The following BDH1 variants were observed in gnomAD, a reference collection of about 807,000 sequenced individuals.
BDH1 encodes D-beta-hydroxybutyrate dehydrogenase, mitochondrial.
Under a neutral mutation model 33.1 loss-of-function variants are expected in BDH1, and 30 were observed. The observed-to-expected ratio is 0.91, with a 90% CI of 0.68 to 1.23. BDH1 has a LOEUF of 1.23. Ranked by LOEUF, BDH1 falls within the 50% of genes most tolerant of loss-of-function variation. The pLI is 0.00. For synonymous variants in BDH1, 190 were observed against 183.6 expected (o/e 1.03, Z -0.28); for missense variants, 443 against 464.4 (o/e 0.95, Z 0.42).
chr3:197,527,789 T>C (rs975914682), intron 5 of BDH1, among the ~76,000 whole-genome samples: 1 of 149,166 alleles, frequency 6.7e-6, no homozygotes, highest in African/African-American at 2.5e-5. Context: ...CACTCCCTCC[T>C]GCACCTCCTT....
At position 197,525,378 on chromosome 3, in the gene BDH1, T is replaced by G. The variant is rs139455293; in HGVS notation, c.268-2597A>C. On this transcript the variant is annotated intron_variant, in intron 5 of 7. Transcript: ENST00000392379. This position sits in a 1 kb window ranked among gnomAD's most constrained non-coding sequence, Gnocchi z 4.9. ...TGGGACTTGGTTAACCCTGTTGCTA[T>G]CATTCAGCTCTTCTCAGACCCCTAT... Among the ~76,000 whole-genome samples, 336 of 152,296 alleles carry G rather than the reference T, an allele frequency of 2.2e-3. 1 individual carries two copies. Among genetic ancestry groups the G allele is most frequent in the Non-Finnish European group, 3.8e-3 (256 of 68,030 alleles).
intron 1 of BDH1, among the ~76,000 whole-genome samples, chr3:197,572,340 A>C (rs1717635715): frequency 6.6e-6 from 1 of 152,224 alleles, no homozygotes; most frequent in African/African-American, 2.4e-5. Context: ...TTCAGGACTC[A>C]GATCTTAGTT....
chr3:197,550,611 C>A (rs921153871), intron 2 of BDH1, among the ~76,000 whole-genome samples: 2 of 152,304 alleles, frequency 1.3e-5, no homozygotes, highest in East Asian at 3.9e-4. Context: ...TGCTCTGTGG[C>A]GCAGGGCCAT....
Position 197,525,678 on chromosome 3 carries a change from A to G in BDH1, c.268-2897T>C, listed in dbSNP as rs528218475. ...CACCCTGCTCCTGACAACCACGCCA[A>G]TAGGGACAGAAACTACCAATTTGCC... On this transcript the variant is annotated intron_variant, in intron 5 of 7. Transcript: ENST00000392379. This position sits in a 1 kb window ranked among gnomAD's most constrained non-coding sequence, Gnocchi z 4.9. 2.0e-5 allele frequency among the ~76,000 whole-genome samples: 3 copies of G among 152,194 alleles called. No homozygotes were observed. The highest frequency in any genetic ancestry group is 4.4e-5 in the Non-Finnish European group (3 of 68,040).
At chr3:197,531,334 T>A (rs1714623402) in intron 5 of BDH1, among the ~76,000 whole-genome samples, 1 of 151,300 alleles carries the variant, frequency 6.6e-6, no homozygotes, top group African/African-American at 2.4e-5. Flanking sequence ...AGGCAGAGGT[T>A]GCAGTGAGCC....
At chr3:197,530,725 A>C (rs569240324) in intron 5 of BDH1, 32 of 152,758 alleles carry the variant, frequency 2.1e-4, no homozygotes, top group African/African-American at 6.7e-4. Context: ...TGATCCGCCC[A>C]CTCAGTGGGT....
In BDH1 at chr3:197,520,465, G is replaced by T. The variant is rs1713422265; in HGVS notation, c.409+2175C>A. Among the ~76,000 whole-genome samples the T allele has an allele frequency of 6.6e-6, 1 of 152,156 alleles. No individual in the cohort carries two copies. The highest frequency in any genetic ancestry group is 1.5e-5 in the Non-Finnish European group (1 of 68,030). Reference sequence around the variant, plus strand: ...GTGCCTCCCCTCTGTGTGGGCCGGGGCCCACCCTGCCTTGTAGGTTAGGCT... The same window carrying T: ...GTGCCTCCCCTCTGTGTGGGCCGGGTCCCACCCTGCCTTGTAGGTTAGGCT... On this transcript the variant is annotated intron_variant, in intron 6 of 7. Transcript: ENST00000392379. The surrounding 1 kb of genome is among the most constrained non-coding windows in gnomAD (Gnocchi z 6.0).
intron 1 of BDH1, among the ~76,000 whole-genome samples, chr3:197,567,268 G>C (rs1201918105): frequency 6.6e-6 from 1 of 152,182 alleles, no homozygotes; most frequent in Non-Finnish European, 1.5e-5. Context: ...AACGTGAAAG[G>C]AAGATAAATC....
At chr3:197,545,720 A>C (rs1716021346) in intron 3 of BDH1, among the ~76,000 whole-genome samples, 1 of 152,248 alleles carries the variant, frequency 6.6e-6, no homozygotes, top group African/African-American at 2.4e-5. Flanking sequence ...TGATCATTGC[A>C]GTATGGTTTT....
At chr3:197,550,368 G>T (rs562690272) in intron 2 of BDH1, among the ~76,000 whole-genome samples, 2 of 152,108 alleles carry the variant, frequency 1.3e-5, no homozygotes, top group Admixed American at 1.3e-4. Context: ...CTTCGGTGGC[G>T]ACCAGTTCTC....
intron 3 of BDH1, among the ~76,000 whole-genome samples, chr3:197,543,629 G>A (rs1395324461): frequency 1.3e-5 from 2 of 152,234 alleles, no homozygotes; most frequent in African/African-American, 4.8e-5. Context: ...GTTTTCATCT[G>A]GACGGAGCCA....
intron 2 of BDH1, among the ~76,000 whole-genome samples, chr3:197,551,395 A>T (rs946353430): frequency 1.3e-4 from 20 of 152,310 alleles, no homozygotes; most frequent in African/African-American, 4.8e-4. Context: ...GTTGCAAATG[A>T]CAGATCTCAT....
At chr3:197,568,985 C>T (rs1054005019) in intron 1 of BDH1, among the ~76,000 whole-genome samples, 2 of 152,204 alleles carry the variant, frequency 1.3e-5, no homozygotes, top group East Asian at 3.8e-4. Flanking sequence ...CAAGTGCCCT[C>T]TATGCATTAT....
Position 197,514,400 on chromosome 3 carries a change from A to T in BDH1, c.426T>A (p.Val142=). 1 of 1,610,340 alleles carries T rather than the reference A, an allele frequency of 6.2e-7. No individual in the cohort carries two copies. Among genetic ancestry groups the T allele is most frequent in the East Asian group, 2.2e-5 (1 of 44,698 alleles). ...CGAACGTTGAGATGCCGGCATTGTT[A>T]ACGAGGCCCCACATGCCTGGACAGG... is the stretch of plus-strand genomic sequence containing the variant. ...KDPEKGMWGL[V]NNAGISTFGE... The change falls in exon 7 of 8, where the codon GTT becomes GTA. Residue 142 remains valine (V), a synonymous_variant. Coordinates refer to ENST00000392379, the MANE Select transcript of BDH1 (RefSeq NM_203314.3). The surrounding 1 kb of genome is among the most constrained non-coding windows in gnomAD (Gnocchi z 4.2).
At chr3:197,535,472 C>T (rs1715070182) in intron 3 of BDH1, among the ~76,000 whole-genome samples, 1 of 152,216 alleles carries the variant, frequency 6.6e-6, no homozygotes, top group South Asian at 2.1e-4. Context: ...CACCAACCAA[C>T]AACGTTGCTT....
Position 197,511,474 on chromosome 3 carries a change from T to G in BDH1, c.*421A>C. 1 of 183,600 alleles carries G rather than the reference T, an allele frequency of 5.4e-6. No individual in the cohort carries two copies. Among genetic ancestry groups the G allele is most frequent in the Admixed American group, 5.8e-5 (1 of 17,222 alleles). The allele number at this position is 183,600 out of a possible 1,614,324, so 11.4% of individuals were successfully genotyped here. A position where few individuals can be genotyped will look rare whatever the true frequency, so the allele number is the denominator to read the frequency against. On this transcript the variant is annotated 3_prime_UTR_variant, in exon 8 of 8. Coordinates refer to ENST00000392379, the MANE Select transcript of BDH1 (RefSeq NM_203314.3). ...TGGCAGGAACACATAACTGGCACTATTTATAAGCGATAAAAGGGTTATTTC... is the reference window on the plus strand; with the variant it reads ...TGGCAGGAACACATAACTGGCACTAGTTATAAGCGATAAAAGGGTTATTTC...
At position 197,525,323 on chromosome 3, in the gene BDH1, G is replaced by A. The variant is rs1405180520; in HGVS notation, c.268-2542C>T. Among the ~76,000 whole-genome samples the A allele has an allele frequency of 6.6e-6, 1 of 152,188 alleles. No homozygotes were observed. Among genetic ancestry groups the A allele is most frequent in the African/African-American group, 2.4e-5 (1 of 41,434 alleles). Reference sequence around the variant, plus strand: ...CAGAAAGGTGGATTCTAGCTGACATGCACAAGAGGTATCTAAATGTCCTTC... The same window carrying A: ...CAGAAAGGTGGATTCTAGCTGACATACACAAGAGGTATCTAAATGTCCTTC... On this transcript the variant is annotated intron_variant, in intron 5 of 7. Coordinates refer to ENST00000392379, the MANE Select transcript of BDH1 (RefSeq NM_203314.3). The surrounding 1 kb of genome is among the most constrained non-coding windows in gnomAD (Gnocchi z 4.9).
At chr3:197,518,858 T>C (rs1472551717) in intron 6 of BDH1, among the ~76,000 whole-genome samples, 70 of 11,148 alleles carry the variant, frequency 6.3e-3, no homozygotes, top group African/African-American at 9.5e-3. Flanking sequence ...CCGACCCCCC[T>C]CATCAGTCAC....
At chr3:197,550,375 TCTC>T (rs1716458239) in intron 2 of BDH1, among the ~76,000 whole-genome samples, 2 of 152,080 alleles carry the variant, frequency 1.3e-5, no homozygotes, top group South Asian at 4.1e-4. Flanking sequence ...GGCGACCAGT[TCTC>T]CTCCGATAAC....
Sources: gnomAD v4.1 joint callset for allele counts (sites outside exome capture counted in the v4.1 genomes callset) on GRCh38, gnomAD v4.1.1 for gene constraint, Gnocchi (gnomAD v3.1) non-coding constraint, MANE v1.5 for transcripts, NCBI Gene and HGNC (gene_info 2026-07-23, HGNC 2026-07-21) for gene names.